Variants in ADARB2 observed in about 807,000 individuals in gnomAD.
ADARB2 encodes the protein inactive double-stranded RNA-specific editase B2.
In ADARB2, 25 loss-of-function variants were observed where a neutral mutation model predicts 62.2. That is an observed-to-expected ratio of 0.40 (90% CI 0.29 to 0.56). The LOEUF (loss-of-function observed/expected upper bound fraction) is 0.56. ADARB2 is among the 20% of genes least tolerant of loss of function. The pLI is 0.43. For missense variants in ADARB2, 1,071 were observed against 1,077.4 expected, an observed-to-expected ratio of 0.99 and a Z score of 0.08; for synonymous variants, 572 against 500.8, an observed-to-expected ratio of 1.14 and a Z score of -1.90.
chr10:1,460,114 T>A (rs71500108), intron 1 of ADARB2, among the ~76,000 whole-genome samples: 1,002 of 12,672 alleles, frequency 0.079, 21 homozygotes, highest in African/African-American at 0.12. Flanking sequence ...TTACCTGCGT[T>A]ACGAACCTGC....
intron 1 of ADARB2, among the ~76,000 whole-genome samples, chr10:1,525,659 A>G (rs531730543): frequency 6.6e-6 from 1 of 152,268 alleles, no homozygotes; most frequent in South Asian, 2.1e-4. Context: ...CTGGGAAGAC[A>G]GGGTGGCTTG....
chr10:1,292,842 C>T (rs964631872), intron 3 of ADARB2: 17 of 151,990 alleles, frequency 1.1e-4, no homozygotes, highest in Admixed American at 2.0e-4. Flanking sequence ...GCTCCTTGTT[C>T]GAGGAAGGTT....
chr10:1,562,012 C>T (rs560350670), intron 1 of ADARB2, among the ~76,000 whole-genome samples: 15 of 152,312 alleles, frequency 9.8e-5, no homozygotes, highest in African/African-American at 3.1e-4. Context: ...CCCCAGCTTC[C>T]GAGCTCATCG....
intron 1 of ADARB2, among the ~76,000 whole-genome samples, chr10:1,540,015 C>T (rs978397341): frequency 5.9e-5 from 9 of 152,034 alleles, no homozygotes; most frequent in Non-Finnish European, 1.0e-4. Flanking sequence ...AATTGAATAG[C>T]ACCATTTTAC....
intron 2 of ADARB2, among the ~76,000 whole-genome samples, chr10:1,372,005 T>A (rs963640895): frequency 6.6e-6 from 1 of 152,152 alleles, no homozygotes; most frequent in African/African-American, 2.4e-5. Context: ...AAAAGACGCC[T>A]GTACGTGTAT....
Position 1,242,268 on chromosome 10 carries a change from G to A in ADARB2, c.1224C>T (p.Ala408=), listed in dbSNP as rs1448056998. 1 of 1,577,852 alleles carries A rather than the reference G, an allele frequency of 6.3e-7. No homozygotes were observed. The highest frequency in any genetic ancestry group is 1.3e-5 in the African/African-American group (1 of 74,504). The change falls in exon 5 of 10, where the codon GCC becomes GCT. Residue 408 remains alanine (A), a synonymous_variant. Coordinates refer to ENST00000381312, the MANE Select transcript of ADARB2 (RefSeq NM_018702.4). ...GLDARQAQVV[A]LSSGTKCISG... ...TGATGCACTTGGTCCCCGAGGACAG[G>A]GCCACGACCTGCGCCTGCCGAGCAT...
chr10:1,527,064 A>G (rs1452841239), intron 1 of ADARB2, among the ~76,000 whole-genome samples: 1 of 152,254 alleles, frequency 6.6e-6, no homozygotes, highest in African/African-American at 2.4e-5. Context: ...CCAAGTGACC[A>G]CAGACGAGAG....
At chr10:1,190,726 T>C (rs1376868886) in intron 8 of ADARB2, among the ~76,000 whole-genome samples, 4 of 152,176 alleles carry the variant, frequency 2.6e-5, no homozygotes, top group Non-Finnish European at 5.9e-5. Context: ...CTCCCCCGCC[T>C]CCCTCTTCTA....
chr10:1,182,842 G>A lies in ADARB2; in HGVS notation c.*351C>T, dbSNP rs1176287868. Reference sequence around the variant, plus strand: ...CGCAGGGGTGGGGTGCAGGGACGGGGCCTGAGGCTCACTCCTGCCTGGTGT... The same window carrying A: ...CGCAGGGGTGGGGTGCAGGGACGGGACCTGAGGCTCACTCCTGCCTGGTGT... On this transcript the variant is annotated 3_prime_UTR_variant, in exon 10 of 10. Coordinates refer to ENST00000381312, the MANE Select transcript of ADARB2 (RefSeq NM_018702.4). The A allele has an allele frequency of 4.4e-6, 1 of 225,564 alleles. No individual in the cohort carries two copies. 14.0% of individuals were successfully genotyped at this position (225,564 alleles called of 1,614,324 possible). A position where few individuals can be genotyped will look rare whatever the true frequency, so the allele number is the denominator to read the frequency against.
chr10:1,284,224 G>A (rs972304206), intron 3 of ADARB2, among the ~76,000 whole-genome samples: 3 of 152,150 alleles, frequency 2.0e-5, no homozygotes, highest in African/African-American at 7.2e-5. Context: ...GCACATGGAT[G>A]TCCTTTGAGG....
chr10:1,372,873 C>T (rs1027740758), intron 2 of ADARB2, among the ~76,000 whole-genome samples: 20 of 152,038 alleles, frequency 1.3e-4, no homozygotes, highest in Non-Finnish European at 2.5e-4. Context: ...CCAGGGCAGA[C>T]GGGGAACACT....
chr10:1,538,537 G>A (rs79313342), intron 1 of ADARB2, among the ~76,000 whole-genome samples: 1,624 of 152,330 alleles, frequency 0.011, 12 homozygotes, highest in Non-Finnish European at 0.012. Flanking sequence ...GCCCCCAGAG[G>A]ACATGCTGGA....
At chr10:1,327,661 GCACTGCACAGCGCCTCCT>G (rs1436362539) in intron 3 of ADARB2, among the ~76,000 whole-genome samples, 4 of 26,554 alleles carry the variant, frequency 1.5e-4, no homozygotes, top group Non-Finnish European at 2.2e-4. Context: ...CAGCGCCTCC[GCACTGCACAGCGCCTCCT>G]CACTGCACAG....
intron 1 of ADARB2, among the ~76,000 whole-genome samples, chr10:1,599,984 A>G (rs1434923383): frequency 6.6e-6 from 1 of 152,078 alleles, no homozygotes; most frequent in Non-Finnish European, 1.5e-5. Context: ...GGCTCCAGAG[A>G]TCTGAGCACC....
intron 1 of ADARB2, among the ~76,000 whole-genome samples, chr10:1,468,978 C>T (rs959075584): frequency 6.6e-5 from 10 of 152,320 alleles, no homozygotes; most frequent in African/African-American, 1.9e-4. Context: ...CAAGTGGCCC[C>T]GCTGGGCTGA....
chr10:1,383,976 C>A (rs1832505503), intron 1 of ADARB2, among the ~76,000 whole-genome samples: 1 of 152,218 alleles, frequency 6.6e-6, no homozygotes, highest in Admixed American at 6.5e-5. Context: ...TTTATCCTAT[C>A]TTTAAGATCA....
intron 4 of ADARB2, among the ~76,000 whole-genome samples, chr10:1,263,094 A>G (rs1243405265): frequency 7.3e-6 from 1 of 136,508 alleles, no homozygotes; most frequent in African/African-American, 2.7e-5. Context: ...GATCACATGG[A>G]CACAGGAAGG....
chr10:1,714,248 T>C (rs1834987919), intron 1 of ADARB2, among the ~76,000 whole-genome samples: 1 of 152,242 alleles, frequency 6.6e-6, no homozygotes, highest in Admixed American at 6.5e-5. Context: ...CGTTCGCAGC[T>C]GTCATTGTGA....
chr10:1,414,582 C>A (rs192621282), intron 1 of ADARB2, among the ~76,000 whole-genome samples: 1 of 152,238 alleles, frequency 6.6e-6, no homozygotes. Flanking sequence ...CTGTAAATCA[C>A]GTGCTTAATG....
Sources: gnomAD v4.1 joint callset for allele counts (sites outside exome capture counted in the v4.1 genomes callset) on GRCh38, gnomAD v4.1.1 for gene constraint, MANE v1.5 for transcripts, NCBI Gene and HGNC (gene_info 2026-07-23, HGNC 2026-07-21) for gene names.